The following ASTN2 variants were observed in gnomAD, a reference collection of about 807,000 sequenced individuals.
The protein encoded by ASTN2 is astrotactin-2.
ASTN2 carries 54 observed loss-of-function variants against 139.8 expected under a neutral mutation model. That is an observed-to-expected ratio of 0.39 (90% confidence interval 0.31 to 0.48). ASTN2 has a LOEUF of 0.48. ASTN2 is among the 20% of genes least tolerant of loss of function. ASTN2 has a pLI of 0.95. For synonymous variants in ASTN2, 756 were observed against 719.5 expected (o/e 1.05, Z -0.81); for missense variants, 1,565 against 1,725.1 (o/e 0.91, Z 1.64).
chr9:116,700,062 G>T, intron 16 of ASTN2: 1 of 327,528 alleles, frequency 3.1e-6, no homozygotes, highest in Non-Finnish European at 6.0e-6. Flanking sequence ...TTCCCATTTG[G>T]CTTTGATGCC....
intron 3 of ASTN2, among the ~76,000 whole-genome samples, chr9:117,146,512 G>A (rs1474600343): frequency 6.6e-6 from 1 of 151,332 alleles, no homozygotes. Context: ...AGAGATAACT[G>A]TGCTCAGTAA....
chr9:116,432,310 TA>T (rs1287177905), intron 22 of ASTN2, among the ~76,000 whole-genome samples: 2 of 152,370 alleles, frequency 1.3e-5, no homozygotes, highest in Non-Finnish European at 2.9e-5. Flanking sequence ...TGAAGCATTT[TA>T]TTTATCTGTG....
At chr9:117,285,888 T>C (rs1330289013) in intron 2 of ASTN2, among the ~76,000 whole-genome samples, 1 of 152,230 alleles carries the variant, frequency 6.6e-6, no homozygotes, top group African/African-American at 2.4e-5. Flanking sequence ...GCCCTCAAAA[T>C]TCTTTTCTTC....
intron 4 of ASTN2, among the ~76,000 whole-genome samples, chr9:117,112,473 A>G (rs1455310103): frequency 6.6e-6 from 1 of 152,176 alleles, no homozygotes; most frequent in Non-Finnish European, 1.5e-5. Flanking sequence ...TAGAGTGTTC[A>G]GAAGTATATA....
chr9:117,334,440 C>T (rs1321468328), intron 1 of ASTN2, among the ~76,000 whole-genome samples: 1 of 151,512 alleles, frequency 6.6e-6, no homozygotes, highest in Non-Finnish European at 1.5e-5. Flanking sequence ...AACATTCACC[C>T]TCAGGGTCAC....
At position 117,214,468 on chromosome 9, in the gene ASTN2, G is replaced by A. The variant is rs747794611; in HGVS notation, c.905C>T (p.Pro302Leu). The A allele has an allele frequency of 6.1e-5, 98 of 1,614,076 alleles. No individual in the cohort carries two copies. The East Asian group carries it at 2.1e-3, about 35-fold the overall frequency. The part of the protein sequence containing the change: ...DYDCEEDEEP[P>L]RRANHVSRED... ...GCGGGAGACATGGTTGGCCCGCCTAGGTGGCTCCTCATCCTCCTCACAGTC... is the reference window on the plus strand; with the variant it reads ...GCGGGAGACATGGTTGGCCCGCCTAAGTGGCTCCTCATCCTCCTCACAGTC... The change falls in exon 3 of 23, where the codon CCT (proline) becomes CTT (leucine). Residue 302 changes from proline to leucine, a missense_variant. Physicochemically the swap from Pro to Leu is moderately conservative, Grantham distance 98. This residue lies in a region of ASTN2 where 596 missense variants were observed against 576.8 expected (regional missense o/e 1.03). Coordinates refer to ENST00000313400, the MANE Select transcript of ASTN2 (RefSeq NM_001365068.1).
intron 2 of ASTN2, among the ~76,000 whole-genome samples, chr9:117,289,289 A>T (rs1564128176): frequency 6.6e-6 from 1 of 152,128 alleles, no homozygotes; most frequent in Non-Finnish European, 1.5e-5. Flanking sequence ...GAGGGTCTGA[A>T]GGGTGCCAGC....
intron 3 of ASTN2, among the ~76,000 whole-genome samples, chr9:117,177,910 A>T (rs909738005): frequency 6.6e-6 from 1 of 151,918 alleles, no homozygotes; most frequent in African/African-American, 2.4e-5. Context: ...TTTGTTCCAC[A>T]CTCTACAAGG....
intron 20 of ASTN2, among the ~76,000 whole-genome samples, chr9:116,475,851 T>C (rs1848962269): frequency 2.6e-5 from 4 of 152,174 alleles, no homozygotes; most frequent in Admixed American, 2.6e-4. Flanking sequence ...CCTGCCTCCA[T>C]AGCCCCAAAT....
chr9:116,463,908 G>GTTT lies in ASTN2; in HGVS notation c.3498-21358_3498-21356dup, dbSNP rs71502069. Among the ~76,000 whole-genome samples, 69 of 115,902 alleles carry GTTT rather than the reference G, an allele frequency of 6.0e-4. 1 individual carries two copies. The highest frequency in any genetic ancestry group is 2.6e-3 in the South Asian group (8 of 3,068). 76.0% of individuals were successfully genotyped at this position (115,902 alleles called of 152,430 possible). On this transcript the variant is annotated intron_variant, in intron 20 of 22. Transcript: ENST00000313400. Reference sequence around the variant, plus strand: ...CATGCCACCATGAACAGAGTTTTGTGTTTTTTTTTTTTTTTTTTTGAGAGA... The same window carrying GTTT: ...CATGCCACCATGAACAGAGTTTTGTGTTTTTTTTTTTTTTTTTTTTTTGAGAGA...
At chr9:116,798,070 A>G (rs1001740795) in intron 13 of ASTN2, among the ~76,000 whole-genome samples, 2 of 152,218 alleles carry the variant, frequency 1.3e-5, no homozygotes, top group African/African-American at 2.4e-5. Flanking sequence ...CAGGAGTTCA[A>G]GACCAGCCTG....
intron 2 of ASTN2, among the ~76,000 whole-genome samples, chr9:117,277,483 T>C (rs1200317824): frequency 6.6e-6 from 1 of 152,216 alleles, no homozygotes; most frequent in Admixed American, 6.5e-5. Flanking sequence ...AGTGGGAATG[T>C]ACATTGGTAC....
chr9:117,304,703 G>T (rs1331082836), intron 1 of ASTN2, among the ~76,000 whole-genome samples: 1 of 152,130 alleles, frequency 6.6e-6, no homozygotes, highest in Non-Finnish European at 1.5e-5. Flanking sequence ...TTGTAATTCA[G>T]CCTCTACTCC....
At position 117,248,144 on chromosome 9, in the gene ASTN2, C is replaced by A. The variant is rs535572189; in HGVS notation, c.631-33402G>T. ...TGAGATATAGTCTCTGATCTCAAAACATTTCCCATCCTGTAGAGCTATAGA... is the reference window on the plus strand; with the variant it reads ...TGAGATATAGTCTCTGATCTCAAAAAATTTCCCATCCTGTAGAGCTATAGA... On this transcript the variant is annotated intron_variant, in intron 2 of 22. Transcript: ENST00000313400. Among the ~76,000 whole-genome samples the A allele has an allele frequency of 2.6e-5, 4 of 152,310 alleles. No homozygotes were observed. In the South Asian group the frequency reaches 8.3e-4, roughly 32 times the overall value.
At chr9:117,146,549 G>T (rs929894391) in intron 3 of ASTN2, among the ~76,000 whole-genome samples, 1 of 151,404 alleles carries the variant, frequency 6.6e-6, no homozygotes, top group African/African-American at 2.4e-5. Flanking sequence ...AGAAAGAGGG[G>T]GTCTAAGATG....
At chr9:117,213,143 G>A (rs1188455863) in intron 3 of ASTN2, among the ~76,000 whole-genome samples, 1 of 152,128 alleles carries the variant, frequency 6.6e-6, no homozygotes, top group African/African-American at 2.4e-5. Context: ...GACCTTGATG[G>A]AACTGAAGAA....
At chr9:116,918,903 T>A (rs1195870736) in intron 10 of ASTN2, among the ~76,000 whole-genome samples, 3 of 152,166 alleles carry the variant, frequency 2.0e-5, no homozygotes, top group African/African-American at 4.8e-5. Flanking sequence ...ATATATATAT[T>A]TGAGATGTTT....
chr9:116,842,548 T>G (rs1173016365), intron 11 of ASTN2, among the ~76,000 whole-genome samples: 1 of 151,768 alleles, frequency 6.6e-6, no homozygotes, highest in East Asian at 1.9e-4. Flanking sequence ...CAGTCCCCAG[T>G]CCCCCACCCC....
chr9:117,007,529 G>A lies in ASTN2; in HGVS notation c.1591+563C>T, dbSNP rs546769523. On this transcript the variant is annotated intron_variant, in intron 7 of 22. Coordinates refer to ENST00000313400, the MANE Select transcript of ASTN2 (RefSeq NM_001365068.1). The stretch of plus-strand genomic sequence containing the variant: ...TAGCTAGTGGCTACCATATTCCACA[G>A]TGCATGTTTAGTGTCTACCCCACTA... Among the ~76,000 whole-genome samples the A allele has an allele frequency of 5.9e-5, 9 of 152,292 alleles. No individual in the cohort carries two copies. The East Asian group carries it at 1.5e-3, about 26-fold the overall frequency.
Sources: allele counts gnomAD v4.1 joint callset (sites outside exome capture counted in the v4.1 genomes callset), GRCh38; gene constraint gnomAD v4.1.1; regional missense constraint gnomAD v4.1.1; transcripts MANE v1.5; gene names NCBI Gene and HGNC (gene_info 2026-07-23, HGNC 2026-07-21).